PPARGC1A: variants seen among roughly 807,000 people sequenced by gnomAD.
PPARGC1A encodes PPARG coactivator 1 alpha.
In PPARGC1A, 25 loss-of-function variants were observed where a neutral mutation model predicts 88.7. The ratio of observed to expected loss-of-function variants is 0.28; its 90% CI spans 0.21 to 0.39. The LOEUF is 0.39. Among genes scored for constraint, PPARGC1A ranks in the 10% least tolerant of loss-of-function variants. The pLI, the probability that PPARGC1A is intolerant of heterozygous loss-of-function variation, is 1.00. For missense variants in PPARGC1A, 880 were observed against 968.7 expected, an observed-to-expected ratio of 0.91 and a Z score of 1.22; for synonymous variants, 363 against 355.6, an observed-to-expected ratio of 1.02 and a Z score of -0.24.
the PPARGC1A span, among the ~76,000 whole-genome samples, chr4:24,214,314 T>C: frequency 1.3e-5 from 2 of 152,226 alleles, no homozygotes; most frequent in African/African-American, 4.8e-5. Flanking sequence ...AATGACATGC[T>C]TCCCTGGAAA....
intron 1 of PPARGC1A, among the ~76,000 whole-genome samples, chr4:23,895,088 ATT>A (rs34476524): frequency 9.9e-4 from 139 of 140,160 alleles, no homozygotes; most frequent in Middle Eastern, 7.2e-3. Context: ...ACTAAGAAGG[ATT>A]TTTTTTTTTT....
At chr4:23,990,727 G>A in the PPARGC1A span, among the ~76,000 whole-genome samples, 1 of 152,034 alleles carries the variant, frequency 6.6e-6, no homozygotes, top group African/African-American at 2.4e-5. Flanking sequence ...CGGAGGCGAT[G>A]AACAGAAATG....
the PPARGC1A span, among the ~76,000 whole-genome samples, chr4:24,341,926 G>T: frequency 0.5 from 75,650 of 151,916 alleles, 20,588 homozygotes; most frequent in Admixed American, 0.66. Flanking sequence ...ACAAGCAGGG[G>T]AGCAGCCTAC....
the PPARGC1A span, among the ~76,000 whole-genome samples, chr4:24,093,374 C>A: frequency 6.6e-6 from 1 of 152,222 alleles, no homozygotes; most frequent in Admixed American, 6.5e-5. Flanking sequence ...AGGCTGTAAA[C>A]TGTCATACAA....
chr4:23,990,244 T>G, the PPARGC1A span, among the ~76,000 whole-genome samples: 2 of 150,236 alleles, frequency 1.3e-5, no homozygotes, highest in African/African-American at 4.9e-5. Context: ...ATAACAATAA[T>G]AAATTGAGCC....
the PPARGC1A span, among the ~76,000 whole-genome samples, chr4:24,266,493 C>A: frequency 1.3e-5 from 2 of 151,990 alleles, no homozygotes; most frequent in African/African-American, 4.8e-5. Context: ...TGTTTGGGGT[C>A]TTGTGAATAC....
At chr4:23,988,638 C>CAGAG in the PPARGC1A span, among the ~76,000 whole-genome samples, 143,602 of 151,400 alleles carry the variant, frequency 0.95, 68,181 homozygotes, top group African/African-American at 0.98. Context: ...AATTTATATA[C>CAGAG]AGAGATAGAT....
chr4:23,915,795 G>T, the PPARGC1A span, among the ~76,000 whole-genome samples: 1 of 152,196 alleles, frequency 6.6e-6, no homozygotes, highest in Non-Finnish European at 1.5e-5. Flanking sequence ...AGAGACAATA[G>T]CCTGACAATT....
the PPARGC1A span, among the ~76,000 whole-genome samples, chr4:24,127,358 G>T: frequency 6.6e-6 from 1 of 151,828 alleles, no homozygotes; most frequent in African/African-American, 2.4e-5. Flanking sequence ...GCCTTTTCAC[G>T]CCATAAGCCA....
At chr4:24,276,497 G>A in the PPARGC1A span, among the ~76,000 whole-genome samples, 1 of 152,022 alleles carries the variant, frequency 6.6e-6, no homozygotes, top group Non-Finnish European at 1.5e-5. Context: ...TCCTACTCTT[G>A]ACTGCCTGTA....
the PPARGC1A span, among the ~76,000 whole-genome samples, chr4:24,239,502 C>A: frequency 6.6e-6 from 1 of 152,182 alleles, no homozygotes; most frequent in Admixed American, 6.5e-5. Context: ...TTTGACTTTT[C>A]TAACCCTTTG....
the PPARGC1A span, among the ~76,000 whole-genome samples, chr4:24,039,620 C>A: frequency 6.6e-6 from 1 of 152,088 alleles, no homozygotes; most frequent in African/African-American, 2.4e-5. Flanking sequence ...TGGTCAAATT[C>A]ATAATCTCTG....
chr4:24,369,575 G>GA, the PPARGC1A span, among the ~76,000 whole-genome samples: 460 of 147,472 alleles, frequency 3.1e-3, 5 homozygotes, highest in African/African-American at 0.011. Context: ...AGAGAGAACA[G>GA]AAAAAAAAAA....
At chr4:24,385,397 C>A in the PPARGC1A span, among the ~76,000 whole-genome samples, 1 of 152,018 alleles carries the variant, frequency 6.6e-6, no homozygotes, top group African/African-American at 2.4e-5. Context: ...AAGATCAGAG[C>A]AAAACTGAAG....
At chr4:24,174,803 G>A in the PPARGC1A span, among the ~76,000 whole-genome samples, 1 of 152,148 alleles carries the variant, frequency 6.6e-6, no homozygotes, top group Non-Finnish European at 1.5e-5. Context: ...AGCCATGTGG[G>A]ACTAGTCATG....
the PPARGC1A span, among the ~76,000 whole-genome samples, chr4:24,315,229 G>T: frequency 6.6e-6 from 1 of 152,156 alleles, no homozygotes; most frequent in South Asian, 2.1e-4. Flanking sequence ...TATGTTGAAA[G>T]GATGCTGAAG....
chr4:23,969,411 G>T, the PPARGC1A span, among the ~76,000 whole-genome samples: 1 of 152,154 alleles, frequency 6.6e-6, no homozygotes, highest in Admixed American at 6.5e-5. Flanking sequence ...CACTAAACTG[G>T]TAAGTGATGC....
chr4:24,438,175 G>A, the PPARGC1A span, among the ~76,000 whole-genome samples: 3 of 152,168 alleles, frequency 2.0e-5, no homozygotes, highest in African/African-American at 7.2e-5. Flanking sequence ...ACAGCCCTTG[G>A]GGATAGATTT....
At chr4:24,004,010 G>A in the PPARGC1A span, among the ~76,000 whole-genome samples, 1 of 152,108 alleles carries the variant, frequency 6.6e-6, no homozygotes, top group Admixed American at 6.6e-5. Flanking sequence ...GTTTTTCAAA[G>A]AATGTTAAAA....
Sources: allele counts gnomAD v4.1 joint callset (sites outside exome capture counted in the v4.1 genomes callset), GRCh38; gene constraint gnomAD v4.1.1; transcripts MANE v1.5; gene names NCBI Gene and HGNC (gene_info 2026-07-23, HGNC 2026-07-21).